Variants in STAP1 observed in about 807,000 individuals in gnomAD.
The protein encoded by STAP1 is signal transducing adaptor family member 1.
In STAP1, 30 loss-of-function variants were observed where a neutral mutation model predicts 37.8. The observed-to-expected ratio is 0.79, with a 90% CI of 0.59 to 1.08. The LOEUF (loss-of-function observed/expected upper bound fraction) is 1.08. Among genes scored for constraint, STAP1 ranks in the 50% least tolerant of loss-of-function variants. The pLI, the probability that STAP1 is intolerant of heterozygous loss-of-function variation, is 0.00. For missense variants in STAP1, 357 were observed against 349.4 expected (o/e 1.02, Z -0.17); for synonymous variants, 130 against 116.0 (o/e 1.12, Z -0.78).
rs191506956 is a variant in STAP1, at chr4:67,563,190, G to T, written c.120+4261G>T. ...ATCAGTCCAATTCTAGAATTTGGGC[G>T]ATTCCTTCACATTTTTAAATCTGTT... is the stretch of plus-strand genomic sequence containing the variant. On this transcript the variant is annotated intron_variant, in intron 1 of 8. Coordinates refer to ENST00000265404, the MANE Select transcript of STAP1 (RefSeq NM_012108.4). Among the ~76,000 whole-genome samples the T allele has an allele frequency of 1.1e-3, 174 of 152,298 alleles. 1 individual carries two copies. The highest frequency in any genetic ancestry group is 1.8e-3 in the Admixed American group (28 of 15,300).
chr4:67,574,931 C>T (rs1266310229), intron 2 of STAP1, among the ~76,000 whole-genome samples: 2 of 152,008 alleles, frequency 1.3e-5, no homozygotes, highest in South Asian at 2.1e-4. Context: ...TATGACCTCA[C>T]GGAGCATGTA....
At chr4:67,594,287 G>C (rs1239588137) in intron 8 of STAP1, among the ~76,000 whole-genome samples, 1 of 152,158 alleles carries the variant, frequency 6.6e-6, no homozygotes, top group Non-Finnish European at 1.5e-5. Context: ...AAGTTTAAAA[G>C]TCCAAGTTCT....
intron 2 of STAP1, among the ~76,000 whole-genome samples, chr4:67,573,265 G>T (rs900884186): frequency 6.6e-6 from 1 of 152,190 alleles, no homozygotes; most frequent in Admixed American, 6.5e-5. Context: ...AGTAGGCAGA[G>T]GTGCTCAGGA....
intron 8 of STAP1, among the ~76,000 whole-genome samples, chr4:67,596,664 G>A (rs1452314036): frequency 1.3e-5 from 2 of 152,210 alleles, no homozygotes; most frequent in Non-Finnish European, 2.9e-5. Context: ...AGTCATTCAT[G>A]CTATGCTTTA....
chr4:67,581,065 A>G (rs1277517871), intron 4 of STAP1, among the ~76,000 whole-genome samples: 1 of 152,170 alleles, frequency 6.6e-6, no homozygotes, highest in Admixed American at 6.6e-5. Flanking sequence ...TTGGGGCCAA[A>G]CCAAAAGGAT....
chr4:67,589,096 G>A (rs1330596916), intron 6 of STAP1, among the ~76,000 whole-genome samples: 1 of 152,104 alleles, frequency 6.6e-6, no homozygotes, highest in African/African-American at 2.4e-5. Flanking sequence ...GTCTTCCAAC[G>A]AACAGCAATC....
chr4:67,593,388 G>A (rs776425527), intron 8 of STAP1, 32 bp downstream of exon 8: 8 of 1,510,968 alleles, frequency 5.3e-6, no homozygotes, highest in Non-Finnish European at 7.3e-6. Context: ...TATGTTAAGG[G>A]AAACAAAACA....
At chr4:67,605,388 C>CAG (rs563293970) in intron 8 of STAP1, among the ~76,000 whole-genome samples, 1 of 124,748 alleles carries the variant, frequency 8.0e-6, no homozygotes, top group Non-Finnish European at 1.6e-5. Context: ...ATAGACAATA[C>CAG]AAAAAAAAAA....
At chr4:67,591,102 G>A in intron 7 of STAP1, 149 bp downstream of exon 7, 1 of 422,946 alleles carries the variant, frequency 2.4e-6, no homozygotes, top group Non-Finnish European at 4.1e-6. Context: ...TGGTGAGGCA[G>A]AGTAAAATAT....
intron 6 of STAP1, among the ~76,000 whole-genome samples, chr4:67,588,039 TAAAAAAA>T (rs3032636): frequency 4.7e-5 from 4 of 85,636 alleles, no homozygotes; most frequent in Admixed American, 1.5e-4. Context: ...CACATTTTCT[TAAAAAAA>T]AAAAAAAAAA....
At chr4:67,560,212 A>C (rs550486789) in intron 1 of STAP1, among the ~76,000 whole-genome samples, 1 of 122,188 alleles carries the variant, frequency 8.2e-6, no homozygotes, top group African/African-American at 2.8e-5. Flanking sequence ...TAGCAGAAAG[A>C]ATAAGAATTT....
chr4:67,605,794 T>TG (rs1298417396), intron 8 of STAP1, among the ~76,000 whole-genome samples: 3 of 152,210 alleles, frequency 2.0e-5, no homozygotes, highest in Non-Finnish European at 4.4e-5. Context: ...TAGCTGGCTG[T>TG]GGCACAGTGA....
rs1045392478 is a variant in STAP1 at position 67,590,870 on chromosome 4, T to C, written c.660-14T>C. On this transcript the variant is annotated splice_polypyrimidine_tract_variant and intron_variant, in intron 6 of 8. Transcript: ENST00000265404. ...GTATAATAAAATGGAGACTAACCAT[T>C]TGTTTCATTGTAGCATTCCAAGAAT... The C allele has an allele frequency of 1.5e-5, 24 of 1,602,090 alleles. No individual in the cohort carries two copies. Among genetic ancestry groups the C allele is most frequent in the Admixed American group, 3.4e-5 (2 of 58,888 alleles).
At chr4:67,590,065 A>G in intron 6 of STAP1, among the ~76,000 whole-genome samples, 1 of 152,032 alleles carries the variant, frequency 6.6e-6, no homozygotes, top group Non-Finnish European at 1.5e-5. Flanking sequence ...TGGCCTCTCA[A>G]AAGTTCTGGG....
chr4:67,589,937 G>T (rs1022752375), intron 6 of STAP1, among the ~76,000 whole-genome samples: 2 of 151,984 alleles, frequency 1.3e-5, no homozygotes, highest in East Asian at 3.9e-4. Context: ...GAGTAGCTGG[G>T]ACCACATATG....
chr4:67,580,136 G>A (rs890461263), intron 4 of STAP1, among the ~76,000 whole-genome samples: 2 of 152,206 alleles, frequency 1.3e-5, no homozygotes, highest in Admixed American at 6.5e-5. Flanking sequence ...GGGATTACAG[G>A]CATGAGCCAC....
At position 67,578,673 on chromosome 4, in the gene STAP1, A is replaced by G. The variant is rs1355999571; in HGVS notation, c.363+1414A>G. ...AGGAGTACACTAAAAACTCTGGCAA[A>G]AACTTTTTGCATCCCCCCGGTACAC... On this transcript the variant is annotated intron_variant, in intron 4 of 8. Coordinates refer to ENST00000265404, the MANE Select transcript of STAP1 (RefSeq NM_012108.4). 2.6e-5 allele frequency among the ~76,000 whole-genome samples: 4 copies of G among 152,224 alleles called. No individual in the cohort carries two copies. In the East Asian group the frequency reaches 5.8e-4, roughly 22 times the overall value.
intron 6 of STAP1, among the ~76,000 whole-genome samples, chr4:67,584,079 C>G (rs936273483): frequency 6.5e-5 from 8 of 122,538 alleles, no homozygotes; most frequent in African/African-American, 2.6e-4. Context: ...GCCTGGGTGA[C>G]AGAGTGAGAC....
At chr4:67,589,258 A>G (rs185718719) in intron 6 of STAP1, among the ~76,000 whole-genome samples, 1 of 152,348 alleles carries the variant, frequency 6.6e-6, no homozygotes, top group East Asian at 1.9e-4. Context: ...GTGTCCAAAA[A>G]TGCTTCCTTC....
Sources: allele counts gnomAD v4.1 joint callset (sites outside exome capture counted in the v4.1 genomes callset), GRCh38; gene constraint gnomAD v4.1.1; transcripts MANE v1.5; gene names NCBI Gene and HGNC (gene_info 2026-07-23, HGNC 2026-07-21).